The following PDLIM7 variants were observed in gnomAD, a reference collection of about 807,000 sequenced individuals.
PDLIM7 encodes PDZ and LIM domain 7, also known as PDZ and LIM domain protein 7.
A neutral mutation model predicts 53.9 loss-of-function variants in PDLIM7; 37 were observed. The observed-to-expected ratio is 0.69, with a 90% CI of 0.53 to 0.90. The LOEUF (loss-of-function observed/expected upper bound fraction) is 0.90, where lower values mean the gene tolerates loss of function less well. Among genes scored for constraint, PDLIM7 ranks in the 40% least tolerant of loss-of-function variants. PDLIM7 has a pLI of 0.00. For synonymous variants in PDLIM7, 300 were observed against 261.3 expected, an observed-to-expected ratio of 1.15 and a Z score of -1.43; for missense variants, 617 against 638.5, an observed-to-expected ratio of 0.97 and a Z score of 0.36.
chr5:177,494,066 C>T (rs1480152283), intron 2 of PDLIM7, among the ~76,000 whole-genome samples: 2 of 152,196 alleles, frequency 1.3e-5, no homozygotes, highest in South Asian at 2.1e-4. Flanking sequence ...CTTCCTCACT[C>T]GCTAGATAAG....
At chr5:177,489,371 C>G in intron 9 of PDLIM7, 22 bp downstream of exon 9, 12 of 1,509,006 alleles carry the variant, frequency 8.0e-6, no homozygotes, top group Non-Finnish European at 9.9e-6. Context: ...AAGCCAGGGT[C>G]GGACAGGAAC....
rs752572576 is a variant in PDLIM7, at chr5:177,489,492, C to T, written c.770G>A (p.Ser257Asn). The change falls in exon 9 of 13, where the codon AGC becomes AAC. Residue 257 changes from serine (S) to asparagine (N), a missense_variant. Transcript: ENST00000355841. ...SQPATPTPLQ[S>N]RTSIVQAAAG... ...AGCTGCCTGCACAATGGAGGTGCGG[C>T]TCTGCAGCGGCGTGGGCGTGGCCGG... 1 of 1,608,040 alleles carries T rather than the reference C, an allele frequency of 6.2e-7. No individual in the cohort carries two copies. Among genetic ancestry groups the T allele is most frequent in the South Asian group, 1.1e-5 (1 of 89,918 alleles).
At chr5:177,485,779 G>C (rs1758407732) in intron 10 of PDLIM7, among the ~76,000 whole-genome samples, 1 of 152,156 alleles carries the variant, frequency 6.6e-6, no homozygotes, top group African/African-American at 2.4e-5. Flanking sequence ...GAGGCCAGGA[G>C]TTCGAGACCA....
At position 177,491,192 on chromosome 5, in the gene PDLIM7, TG is replaced by T. The variant is rs527501420; in HGVS notation, c.399-47del. 38 of 605,492 alleles carry T rather than the reference TG, an allele frequency of 6.3e-5. No homozygotes were observed. In the African/African-American group the frequency reaches 8.2e-4, roughly 13 times the overall value. 37.5% of individuals were successfully genotyped at this position (605,492 alleles called of 1,614,324 possible). A position where few individuals can be genotyped will look rare whatever the true frequency, so the allele number is the denominator to read the frequency against. On this transcript the variant is annotated intron_variant, in intron 5 of 12. Coordinates refer to ENST00000355841, the MANE Select transcript of PDLIM7 (RefSeq NM_005451.5). ...AGAACCCCACACTGGGGGTGGGCGG[TG>T]GGGGCAGCCCCTCCCAGGATTTGGT...
intron 10 of PDLIM7, among the ~76,000 whole-genome samples, chr5:177,485,277 C>T (rs1758381866): frequency 6.6e-6 from 1 of 152,236 alleles, no homozygotes. Flanking sequence ...CTGGCCTCCG[C>T]AGGAGGTGGG....
intron 7 of PDLIM7, 108 bp from the exon 8 acceptor site, chr5:177,489,940 A>G (rs1561702363): frequency 2.6e-6 from 4 of 1,537,658 alleles, no homozygotes; most frequent in Non-Finnish European, 3.5e-6. Context: ...GGGCGTGGAA[A>G]CTGCCGAGTT....
At chr5:177,491,757 G>T in intron 5 of PDLIM7, 50 bp downstream of exon 5, 1 of 901,578 alleles carries the variant, frequency 1.1e-6, no homozygotes, top group Non-Finnish European at 1.5e-6. Context: ...CGGGCGTGGG[G>T]CCACAGTGGG....
chr5:177,489,258 G>C lies in PDLIM7; in HGVS notation c.869+135C>G. ...TTAAGAATGGGAGGACCCAGCCCAG[G>C]TCCCTACTCCTACTCCAGCTGAGAA... On this transcript the variant is annotated intron_variant, in intron 9 of 12. Coordinates refer to ENST00000355841, the MANE Select transcript of PDLIM7 (RefSeq NM_005451.5). The C allele has an allele frequency of 2.8e-6, 2 of 705,580 alleles. 1 individual carries two copies. The highest frequency in any genetic ancestry group is 3.8e-5 in the South Asian group (2 of 52,238). The allele number at this position is 705,580 out of a possible 1,614,324, so 43.7% of individuals were successfully genotyped here. A position where few individuals can be genotyped will look rare whatever the true frequency, so the allele number is the denominator to read the frequency against.
At chr5:177,489,371 C>A (rs374178398) in intron 9 of PDLIM7, 22 bp downstream of exon 9, 3 of 1,509,002 alleles carry the variant, frequency 2.0e-6, no homozygotes, top group South Asian at 1.3e-5. Flanking sequence ...AAGCCAGGGT[C>A]GGACAGGAAC....
At chr5:177,492,948 C>T (rs745543559) in intron 2 of PDLIM7, 6 of 475,196 alleles carry the variant, frequency 1.3e-5, no homozygotes, top group African/African-American at 3.9e-5. Flanking sequence ...TCCCCAGTCA[C>T]GATGCTTATC....
Position 177,483,961 on chromosome 5 carries a change from G to T in PDLIM7, c.1193C>A (p.Thr398Lys). The change falls in exon 12 of 13, where the codon ACG becomes AAG. Residue 398 changes from threonine (T) to lysine (K), a missense_variant. Transcript: ENST00000355841. The part of the protein sequence containing the change: ...CERDYEKMFG[T>K]KCHGCDFKID... ...CTTGAAGTCACAGCCATGGCATTTCGTGCCAAACATCTTCTCATAGTCTGA... is the reference window on the plus strand; with the variant it reads ...CTTGAAGTCACAGCCATGGCATTTCTTGCCAAACATCTTCTCATAGTCTGA... 1 of 1,613,908 alleles carries T rather than the reference G, an allele frequency of 6.2e-7. No individual in the cohort carries two copies. The highest frequency in any genetic ancestry group is 8.5e-7 in the Non-Finnish European group (1 of 1,179,954).
chr5:177,489,223 T>C (rs1758614746), intron 9 of PDLIM7, among the ~76,000 whole-genome samples, 170 bp downstream of exon 9: 1 of 152,114 alleles, frequency 6.6e-6, no homozygotes, highest in African/African-American at 2.4e-5. Flanking sequence ...CTGGGGTAGG[T>C]AGCGTGGGAT....
chr5:177,488,718 C>T (rs761650443), intron 9 of PDLIM7, among the ~76,000 whole-genome samples: 1 of 152,184 alleles, frequency 6.6e-6, no homozygotes, highest in East Asian at 1.9e-4. Flanking sequence ...TGGTAAAACC[C>T]CGTCTCTACT....
rs376862538 is a variant in PDLIM7, at chr5:177,491,016, C to G, written c.529G>C (p.Glu177Gln). 2.5e-6 allele frequency: 4 copies of G among 1,613,564 alleles called. No homozygotes were observed. Among genetic ancestry groups the G allele is most frequent in the Non-Finnish European group, 3.4e-6 (4 of 1,179,744 alleles). ...GCCCTGGGCTGGCACTTACTGAACT[C>G]GGTGCCTGTGAGGTGGGCAAGGATG... ...FRILAHLTGT[E>Q]FMQDPDEEHL... Residue 177 changes from glutamate (E) to glutamine (Q), a missense_variant, in exon 6 of 13, where the codon GAG (glutamate) becomes CAG (glutamine). Glu to Gln is a conservative substitution (Grantham distance 29). Coordinates refer to ENST00000355841, the MANE Select transcript of PDLIM7 (RefSeq NM_005451.5).
intron 7 of PDLIM7, chr5:177,490,176 C>T (rs1364479229): frequency 2.0e-5 from 29 of 1,446,520 alleles, no homozygotes; most frequent in Middle Eastern, 2.2e-4. Context: ...CCAAACAGTC[C>T]GAACCACGAA....
At chr5:177,488,761 G>A (rs529428418) in intron 9 of PDLIM7, among the ~76,000 whole-genome samples, 1 of 152,224 alleles carries the variant, frequency 6.6e-6, no homozygotes, top group East Asian at 1.9e-4. Context: ...ATGGTGGCGG[G>A]TGCCTGTAAT....
In PDLIM7 at chr5:177,489,450, C is replaced by T. The variant is rs1240140921; in HGVS notation, c.812G>A (p.Gly271Glu). 2.5e-6 allele frequency: 4 copies of T among 1,604,322 alleles called. No homozygotes were observed. In the East Asian group the frequency reaches 6.7e-5, roughly 27 times the overall value. ...IVQAAAGGVP[G>E]GGSNNGKTPV... ...AGTCTTGCCGTTGTTGCTGCCCCCTCCTGGCACCCCTCCGGCAGCTGCCTG... is the reference window on the plus strand; with the variant it reads ...AGTCTTGCCGTTGTTGCTGCCCCCTTCTGGCACCCCTCCGGCAGCTGCCTG... The change falls in exon 9 of 13, where the codon GGA becomes GAA. Residue 271 changes from glycine to glutamate, a missense_variant. Transcript: ENST00000355841.
chr5:177,497,129 G>C (rs1485247160), intron 1 of PDLIM7, among the ~76,000 whole-genome samples: 2 of 151,792 alleles, frequency 1.3e-5, no homozygotes, highest in Non-Finnish European at 2.9e-5. Flanking sequence ...GGGTGCTGAA[G>C]AAGGGGAAGG....
chr5:177,488,373 A>C lies in PDLIM7; in HGVS notation c.870-125T>G, dbSNP rs1758569752. On this transcript the variant is annotated intron_variant, in intron 9 of 12. Transcript: ENST00000355841. ...GGACAGTTCATTCTCCCCATTTTCC[A>C]CATAGGATAGAAGACAGGCTTGGGA... 4 of 739,144 alleles carry C rather than the reference A, an allele frequency of 5.4e-6. No homozygotes were observed. In the Admixed American group the frequency reaches 9.1e-5, roughly 17 times the overall value. The allele number at this position is 739,144 out of a possible 1,614,324, so 45.8% of individuals were successfully genotyped here. A position where few individuals can be genotyped will look rare whatever the true frequency, so the allele number is the denominator to read the frequency against.
Sources: gnomAD v4.1 joint callset for allele counts (sites outside exome capture counted in the v4.1 genomes callset) on GRCh38, gnomAD v4.1.1 for gene constraint, MANE v1.5 for transcripts, NCBI Gene and HGNC (gene_info 2026-07-23, HGNC 2026-07-21) for gene names.